ATRN: variants seen among roughly 807,000 people sequenced by gnomAD.
ATRN encodes the protein attractin-2.
Under a neutral mutation model 178.7 loss-of-function variants are expected in ATRN, and 54 were observed. The ratio of observed to expected loss-of-function variants is 0.30; its 90% CI spans 0.24 to 0.38. The LOEUF (loss-of-function observed/expected upper bound fraction) is 0.38, where lower values mean the gene tolerates loss of function less well. Among genes scored for constraint, ATRN ranks in the 10% least tolerant of loss-of-function variants. ATRN has a pLI of 1.00. For missense variants in ATRN, 1,443 were observed against 1,815.1 expected (o/e 0.79, Z 3.73); for synonymous variants, 636 against 663.0 (o/e 0.96, Z 0.63).
chr20:3,620,816 A>G (rs188345975), intron 24 of ATRN, among the ~76,000 whole-genome samples: 253 of 152,312 alleles, frequency 1.7e-3, no homozygotes, highest in African/African-American at 5.8e-3. Context: ...TCATAGACAG[A>G]AGAATGCAGG....
chr20:3,619,861 G>T (rs902273566), intron 24 of ATRN, among the ~76,000 whole-genome samples: 2 of 152,124 alleles, frequency 1.3e-5, no homozygotes, highest in Non-Finnish European at 2.9e-5. Context: ...CCTCACTCTT[G>T]AGGGCAGCAT....
chr20:3,536,877 A>G (rs1274457536), intron 2 of ATRN, among the ~76,000 whole-genome samples: 1 of 152,226 alleles, frequency 6.6e-6, no homozygotes, highest in African/African-American at 2.4e-5. Flanking sequence ...GTCTTCTTTG[A>G]TACCATATCA....
At chr20:3,628,731 T>C (rs1361503323) in intron 25 of ATRN, among the ~76,000 whole-genome samples, 2 of 152,018 alleles carry the variant, frequency 1.3e-5, no homozygotes, top group Non-Finnish European at 2.9e-5. Flanking sequence ...ATCCAAAGGA[T>C]ACTTTTTGGT....
intron 14 of ATRN, 69 bp downstream of exon 14, chr20:3,577,066 C>A: frequency 6.4e-7 from 1 of 1,565,206 alleles, no homozygotes; most frequent in Non-Finnish European, 8.7e-7. Flanking sequence ...CAACACTGTG[C>A]AGCCTAAGTT....
intron 1 of ATRN, among the ~76,000 whole-genome samples, chr20:3,513,826 T>A (rs2085169951): frequency 6.6e-6 from 1 of 152,186 alleles, no homozygotes; most frequent in African/African-American, 2.4e-5. Context: ...GTAAGTTGGA[T>A]TCCTAGGTAT....
At chr20:3,561,276 T>A (rs568732009) in intron 8 of ATRN, among the ~76,000 whole-genome samples, 1 of 152,196 alleles carries the variant, frequency 6.6e-6, no homozygotes, top group East Asian at 1.9e-4. Context: ...TGAGCCAAGA[T>A]TGCACCACTG....
Position 3,584,718 on chromosome 20 carries a change from C to T in ATRN, c.3022C>T (p.Pro1008Ser), listed in dbSNP as rs757132896. The change falls in exon 18 of 29, where the codon CCC becomes TCC. Residue 1008 changes from proline to serine, a missense_variant. By Grantham distance (74) the Pro-to-Ser change is moderately conservative. This residue lies in a region of ATRN where 212 missense variants were observed against 330.7 expected (regional missense o/e 0.64). Coordinates refer to ENST00000262919, the MANE Select transcript of ATRN (RefSeq NM_139321.3). ...ACCAGGCTGTGGCTGGTGTACTGAT[C>T]CCAGCAATACTGGCAAAGGGAAATG... Reference protein sequence around the residue: ...EQPGCGWCTDPSNTGKGKCIE... With the variant: ...EQPGCGWCTDSSNTGKGKCIE... The T allele has an allele frequency of 6.2e-7, 1 of 1,613,868 alleles. No homozygotes were observed. Among genetic ancestry groups the T allele is most frequent in the East Asian group, 2.2e-5 (1 of 44,864 alleles).
chr20:3,639,409 C>T (rs1215708451), intron 27 of ATRN, among the ~76,000 whole-genome samples: 2 of 152,096 alleles, frequency 1.3e-5, no homozygotes, highest in Admixed American at 6.6e-5. Context: ...TGCGCAACCA[C>T]GCCCAGCTGA....
At chr20:3,646,666 A>T (rs912846959) in intron 28 of ATRN, 57 bp from the exon 29 acceptor site, 2 of 1,484,816 alleles carry the variant, frequency 1.3e-6, no homozygotes, top group Non-Finnish European at 1.8e-6. Flanking sequence ...ATTATTTTTT[A>T]AAACAAAATA....
intron 24 of ATRN, among the ~76,000 whole-genome samples, chr20:3,610,699 A>G (rs371768065): frequency 2.0e-5 from 3 of 146,616 alleles, no homozygotes; most frequent in South Asian, 2.2e-4. Flanking sequence ...CAGCCTCCCA[A>G]GTTGCTGGGA....
chr20:3,576,083 A>G, intron 13 of ATRN, 135 bp downstream of exon 13: 1 of 1,083,064 alleles, frequency 9.2e-7, no homozygotes, highest in Non-Finnish European at 1.2e-6. Flanking sequence ...ATTATCCCTG[A>G]GGTTTTCCTT....
chr20:3,556,763 T>C (rs1176518926), intron 6 of ATRN, among the ~76,000 whole-genome samples: 4 of 152,210 alleles, frequency 2.6e-5, no homozygotes, highest in Non-Finnish European at 5.9e-5. Flanking sequence ...TTATGTTTTA[T>C]TGCATCAGTA....
chr20:3,644,878 C>G (rs566162578), intron 28 of ATRN, among the ~76,000 whole-genome samples: 2 of 152,312 alleles, frequency 1.3e-5, no homozygotes, highest in South Asian at 4.1e-4. Flanking sequence ...TCTTTCCAGC[C>G]CTGGCCAGCA....
rs537082168 is a variant in ATRN at position 3,599,436 on chromosome 20, G to A, written c.3564+1436G>A. ...TTCTGGATTTCCCAGTTTATCTTACGACAGAATACTTACTAGAGTTATCCA... is the reference window on the plus strand; with the variant it reads ...TTCTGGATTTCCCAGTTTATCTTACAACAGAATACTTACTAGAGTTATCCA... On this transcript the variant is annotated intron_variant, in intron 22 of 28. Coordinates refer to ENST00000262919, the MANE Select transcript of ATRN (RefSeq NM_139321.3). Among the ~76,000 whole-genome samples the A allele has an allele frequency of 5.0e-4, 76 of 152,198 alleles. No homozygotes were observed. In the South Asian group the frequency reaches 0.016, roughly 31 times the overall value.
At position 3,576,739 on chromosome 20, in the gene ATRN, A is replaced by ATCTG. The variant is rs2086217554; in HGVS notation, c.2215-117_2215-116insGTCT. 18 of 821,002 alleles carry ATCTG rather than the reference A, an allele frequency of 2.2e-5. No individual in the cohort carries two copies. The Admixed American group carries it at 2.4e-4, about 11-fold the overall frequency. 50.9% of individuals were successfully genotyped at this position (821,002 alleles called of 1,614,324 possible). A position where few individuals can be genotyped will look rare whatever the true frequency, so the allele number is the denominator to read the frequency against. On this transcript the variant is annotated intron_variant, in intron 13 of 28. Coordinates refer to ENST00000262919, the MANE Select transcript of ATRN (RefSeq NM_139321.3). ...TATCTATCTATCTATCTATCTGTCT[A>ATCTG]TCTATTTATTTGCAGTTTGCTTCCT... is the stretch of plus-strand genomic sequence containing the variant.
At chr20:3,480,364 C>A (rs928213944) in intron 1 of ATRN, among the ~76,000 whole-genome samples, 1 of 152,148 alleles carries the variant, frequency 6.6e-6, no homozygotes, top group Admixed American at 6.5e-5. Context: ...GCCATAATGC[C>A]TAGAACTGTT....
intron 24 of ATRN, among the ~76,000 whole-genome samples, chr20:3,612,727 C>T (rs1335505017): frequency 6.6e-6 from 1 of 152,088 alleles, no homozygotes; most frequent in Non-Finnish European, 1.5e-5. Context: ...TATTTATTTA[C>T]TCATTTTAAG....
chr20:3,490,153 C>T (rs1263632785), intron 1 of ATRN: 6 of 1,499,492 alleles, frequency 4.0e-6, no homozygotes, highest in Non-Finnish European at 5.6e-6. Flanking sequence ...AGGGACTTTC[C>T]TTTGGTACTG....
intron 1 of ATRN, among the ~76,000 whole-genome samples, chr20:3,523,181 C>T (rs1027265240): frequency 1.3e-5 from 2 of 151,670 alleles, no homozygotes; most frequent in African/African-American, 4.8e-5. Context: ...AAGGTTAGGG[C>T]AATTGCTAAC....
Sources: gnomAD v4.1 joint callset for allele counts (sites outside exome capture counted in the v4.1 genomes callset) on GRCh38, gnomAD v4.1.1 for gene constraint, gnomAD v4.1.1 regional missense constraint, MANE v1.5 for transcripts, NCBI Gene and HGNC (gene_info 2026-07-23, HGNC 2026-07-21) for gene names.